The following ISCA1 variants were observed in gnomAD, a reference collection of about 807,000 sequenced individuals.
ISCA1 encodes iron-sulfur cluster assembly 1.
Under a neutral mutation model 14.7 loss-of-function variants are expected in ISCA1, and 9 were observed. The ratio of observed to expected loss-of-function variants is 0.61; its 90% CI spans 0.37 to 1.07. The LOEUF is 1.07. Ranked by LOEUF, ISCA1 falls within the 50% of genes least tolerant of loss-of-function variation. The pLI, the probability that ISCA1 is intolerant of heterozygous loss-of-function variation, is 0.01. For missense variants in ISCA1, 102 were observed against 150.1 expected, an observed-to-expected ratio of 0.68 and a Z score of 1.67; for synonymous variants, 38 against 54.3, an observed-to-expected ratio of 0.70 and a Z score of 1.32.
At chr9:86,280,107 A>T (rs565262143) in intron 1 of ISCA1, among the ~76,000 whole-genome samples, 11 of 152,338 alleles carry the variant, frequency 7.2e-5, no homozygotes, top group African/African-American at 2.6e-4. Flanking sequence ...GCAAGTGTGG[A>T]GAGAGACCAA....
intron 1 of ISCA1, chr9:86,282,127 CG>C: frequency 3.8e-6 from 2 of 525,896 alleles, no homozygotes. Flanking sequence ...GGCCCGCACG[CG>C]GTTGCCGCGC....
intron 3 of ISCA1, among the ~76,000 whole-genome samples, chr9:86,269,892 C>T (rs1210558829): frequency 1.3e-5 from 2 of 152,170 alleles, no homozygotes; most frequent in African/African-American, 2.4e-5. Context: ...TAGCCATATG[C>T]AGAAAGCTGA....
At chr9:86,280,512 T>C (rs982899612) in intron 1 of ISCA1, among the ~76,000 whole-genome samples, 1 of 150,316 alleles carries the variant, frequency 6.7e-6, no homozygotes, top group East Asian at 2.0e-4. Context: ...AGAGAGTTGC[T>C]TGAACTCAGT....
intron 1 of ISCA1, among the ~76,000 whole-genome samples, chr9:86,281,589 G>C (rs575016740): frequency 6.6e-6 from 1 of 152,294 alleles, no homozygotes; most frequent in African/African-American, 2.4e-5. Flanking sequence ...CCTTTAAAAG[G>C]ACTAATTTTA....
Position 86,272,009 on chromosome 9 carries a change from T to C in ISCA1, c.239A>G (p.Asp80Gly). The C allele has an allele frequency of 6.4e-7, 1 of 1,564,566 alleles. No homozygotes were observed. The highest frequency in any genetic ancestry group is 8.8e-7 in the Non-Finnish European group (1 of 1,137,038). ...KGDSDEEVIQDGVRVFIEKKA... is the reference protein window; with the variant it reads ...KGDSDEEVIQGGVRVFIEKKA... ...AAAAATGTTTGTTAAAAACTCACCA[T>C]CTTGAATAACTTCTTCATCAGAATC... The change falls in exon 3 of 4, where the codon GAT (aspartate) becomes GGT (glycine). Residue 80 changes from aspartate (D) to glycine (G), a missense_variant and splice_region_variant. Physicochemically the swap from Asp to Gly is moderately conservative, Grantham distance 94. Coordinates refer to ENST00000375991, the MANE Select transcript of ISCA1 (RefSeq NM_030940.4).
chr9:86,271,087 TATAATA>T (rs146653377), intron 3 of ISCA1, among the ~76,000 whole-genome samples: 41 of 151,112 alleles, frequency 2.7e-4, no homozygotes, highest in Non-Finnish European at 4.1e-4. Context: ...AAACTTAAAG[TATAATA>T]ATAATAATAA....
chr9:86,278,374 A>G (rs967190215), intron 1 of ISCA1, among the ~76,000 whole-genome samples: 6 of 152,186 alleles, frequency 3.9e-5, no homozygotes, highest in Non-Finnish European at 8.8e-5. Context: ...ATACAAATAT[A>G]TATTTGTAGG....
chr9:86,269,784 G>A (rs979687882), intron 3 of ISCA1, among the ~76,000 whole-genome samples: 108 of 151,138 alleles, frequency 7.1e-4, no homozygotes, highest in Non-Finnish European at 1.3e-3. Flanking sequence ...CAGAAATAAC[G>A]CCGCATATCT....
intron 1 of ISCA1, among the ~76,000 whole-genome samples, chr9:86,277,959 A>G (rs1825459805): frequency 6.6e-6 from 1 of 152,238 alleles, no homozygotes; most frequent in South Asian, 2.1e-4. Context: ...TCACTACTTC[A>G]TAGCAACACG....
rs566336635 is a variant in ISCA1, at chr9:86,277,664, G to A, written c.82-3422C>T. Among the ~76,000 whole-genome samples, 45 of 152,246 alleles carry A rather than the reference G, an allele frequency of 3.0e-4. 1 individual carries two copies. The highest frequency in any genetic ancestry group is 4.7e-4 in the Non-Finnish European group (32 of 68,004). The stretch of plus-strand genomic sequence containing the variant: ...GGCCTAGCAGCCTGCCAGTACCAGT[G>A]CACTTCCCAGAACAACTAAGAAACA... On this transcript the variant is annotated intron_variant, in intron 1 of 3. Coordinates refer to ENST00000375991, the MANE Select transcript of ISCA1 (RefSeq NM_030940.4).
At chr9:86,276,314 G>A (rs1351411790) in intron 1 of ISCA1, among the ~76,000 whole-genome samples, 1 of 152,122 alleles carries the variant, frequency 6.6e-6, no homozygotes, top group Non-Finnish European at 1.5e-5. Context: ...AGGTGGTAAT[G>A]CTTGGCTTGC....
At chr9:86,268,798 C>CT (rs1003743835) in intron 3 of ISCA1, among the ~76,000 whole-genome samples, 3 of 151,626 alleles carry the variant, frequency 2.0e-5, no homozygotes, top group African/African-American at 7.3e-5. Flanking sequence ...ACTATGATGT[C>CT]TTTTTTTCTT....
chr9:86,279,317 C>T (rs1278878346), intron 1 of ISCA1, among the ~76,000 whole-genome samples: 2 of 152,206 alleles, frequency 1.3e-5, no homozygotes, highest in African/African-American at 4.8e-5. Flanking sequence ...ATTAGAGTTG[C>T]TCTGACTTGT....
intron 3 of ISCA1, chr9:86,266,816 C>G (rs1413028424): frequency 6.6e-6 from 1 of 152,078 alleles, no homozygotes; most frequent in South Asian, 2.1e-4. Flanking sequence ...AGCTCCACCT[C>G]CCAGGCTCAA....
intron 1 of ISCA1, among the ~76,000 whole-genome samples, chr9:86,279,930 G>A (rs2131228109): frequency 6.6e-6 from 1 of 152,304 alleles, no homozygotes; most frequent in South Asian, 2.1e-4. Context: ...CAGCATTGAT[G>A]TGCCTTCTCT....
intron 1 of ISCA1, among the ~76,000 whole-genome samples, chr9:86,278,356 C>T (rs1222095829): frequency 6.6e-6 from 1 of 152,052 alleles, no homozygotes; most frequent in Non-Finnish European, 1.5e-5. Flanking sequence ...ATCCAAAATA[C>T]ATATAATATA....
chr9:86,271,296 C>A (rs751041665), intron 3 of ISCA1, among the ~76,000 whole-genome samples: 10 of 151,914 alleles, frequency 6.6e-5, no homozygotes, highest in Non-Finnish European at 1.5e-4. Flanking sequence ...GTAAGTACAC[C>A]CCAGGATATT....
Position 86,272,053 on chromosome 9 carries a change from T to C in ISCA1, c.195A>G (p.Glu65=). ...CAGAATCTCCTTTTGTCTTTGTATA[T>C]TCTAGAGTATAAGAAAGGCCATTAC... ...RGCNGLSYTL[E]YTKTKGDSDE... The change falls in exon 3 of 4, where the codon GAA becomes GAG. Residue 65 remains glutamate, a synonymous_variant. Coordinates refer to ENST00000375991, the MANE Select transcript of ISCA1 (RefSeq NM_030940.4). 1 of 1,607,634 alleles carries C rather than the reference T, an allele frequency of 6.2e-7. No homozygotes were observed. The highest frequency in any genetic ancestry group is 8.5e-7 in the Non-Finnish European group (1 of 1,174,688).
chr9:86,274,068 G>C (rs1436194232), intron 2 of ISCA1, 121 bp downstream of exon 2: 1 of 597,736 alleles, frequency 1.7e-6, no homozygotes, highest in African/African-American at 1.9e-5. Flanking sequence ...TAAAAATCCT[G>C]AGTATATTTT....
Sources: allele counts gnomAD v4.1 joint callset (sites outside exome capture counted in the v4.1 genomes callset), GRCh38; gene constraint gnomAD v4.1.1; transcripts MANE v1.5; gene names NCBI Gene and HGNC (gene_info 2026-07-23, HGNC 2026-07-21).